POLG2: variants seen among roughly 807,000 people sequenced by gnomAD.
POLG2 encodes the protein DNA polymerase gamma 2, accessory subunit.
Under a neutral mutation model 56.5 loss-of-function variants are expected in POLG2, and 50 were observed. That is an observed-to-expected ratio of 0.88 (90% CI 0.71 to 1.12). The LOEUF is 1.12. Among genes scored for constraint, POLG2 ranks in the 50% most tolerant of loss-of-function variants. POLG2 has a pLI of 0.00. For missense variants in POLG2, 584 were observed against 583.3 expected, an observed-to-expected ratio of 1.00 and a Z score of -0.01; for synonymous variants, 226 against 222.6, an observed-to-expected ratio of 1.02 and a Z score of -0.14.
Position 64,485,835 on chromosome 17 carries a change from C to T in POLG2, c.1003G>A (p.Val335Ile). ...TCTAGGTCCCCATTTACAGAGAGAA[C>T]ACAAGGAACCACATTTTTTCGTCCA... ...RDGRKNVVPC[V>I]LSVNGDLDRG... Residue 335 changes from valine (V) to isoleucine (I), a missense_variant, in exon 5 of 8, where the codon GTT (valine) becomes ATT (isoleucine). Transcript: ENST00000539111. 6.2e-7 allele frequency: 1 copy of T among 1,613,946 alleles called. No homozygotes were observed. Among genetic ancestry groups the T allele is most frequent in the Non-Finnish European group, 8.5e-7 (1 of 1,179,800 alleles).
intron 3 of POLG2, chr17:64,491,663 C>G: frequency 4.5e-6 from 6 of 1,327,602 alleles, no homozygotes; most frequent in Non-Finnish European, 6.5e-6. Flanking sequence ...GGTACTACAA[C>G]AAGTACATCA....
At chr17:64,489,315 T>C (rs1445682454) in intron 4 of POLG2, among the ~76,000 whole-genome samples, 1 of 149,896 alleles carries the variant, frequency 6.7e-6, no homozygotes, top group Non-Finnish European at 1.5e-5. Context: ...CTACAGTATA[T>C]TGCTGACCAG....
chr17:64,496,720 C>T lies in POLG2; in HGVS notation c.249G>A (p.Lys83=), dbSNP rs2038159079. 2 of 1,614,000 alleles carry T rather than the reference C, an allele frequency of 1.2e-6. No individual in the cohort carries two copies. The highest frequency in any genetic ancestry group is 1.3e-5 in the African/African-American group (1 of 74,894). The change falls in exon 1 of 8, where the codon AAG becomes AAA. Residue 83 remains lysine (K), a synonymous_variant. Coordinates refer to ENST00000539111, the MANE Select transcript of POLG2 (RefSeq NM_007215.4). ...GAAGAGAATCCCGGCTAAGCTGCTG[C>T]TTGCTTCCACTTAGGAAATGCCTTC... ...CQRRHFLSGS[K]QQLSRDSLLS...
chr17:64,494,098 G>A (rs2038110628), intron 1 of POLG2, among the ~76,000 whole-genome samples: 1 of 152,038 alleles, frequency 6.6e-6, no homozygotes, highest in African/African-American at 2.4e-5. Flanking sequence ...TGCATTCTGA[G>A]TAGGTTTCTT....
chr17:64,493,212 G>A (rs879976009), intron 1 of POLG2, among the ~76,000 whole-genome samples, 191 bp from the exon 2 acceptor site: 1 of 152,126 alleles, frequency 6.6e-6, no homozygotes, highest in Admixed American at 6.5e-5. Context: ...GAGCTCAGGA[G>A]TTCTGAGACC....
chr17:64,482,549 A>G (rs1475218488), intron 6 of POLG2, among the ~76,000 whole-genome samples: 3 of 151,830 alleles, frequency 2.0e-5, no homozygotes, highest in South Asian at 2.1e-4. Context: ...CGATCTCTTG[A>G]CCTCGTGATC....
intron 6 of POLG2, chr17:64,481,380 T>C (rs2037852687): frequency 2.5e-5 from 25 of 985,336 alleles, no homozygotes; most frequent in Non-Finnish European, 3.0e-5. Context: ...ATCTTTTTAG[T>C]GTCCGCATTC....
At chr17:64,489,796 C>CATTAGTAACT (rs1555668174) in intron 4 of POLG2, among the ~76,000 whole-genome samples, 1 of 150,900 alleles carries the variant, frequency 6.6e-6, no homozygotes, top group African/African-American at 2.4e-5. Context: ...GCAAACCTCA[C>CATTAGTAACT]ATTAGTAACT....
chr17:64,494,353 G>C (rs891095804), intron 1 of POLG2, among the ~76,000 whole-genome samples: 1 of 152,264 alleles, frequency 6.6e-6, no homozygotes, highest in East Asian at 1.9e-4. Flanking sequence ...CACTACTGAA[G>C]ACACCAAATT....
chr17:64,489,194 T>A (rs2038012858), intron 4 of POLG2, among the ~76,000 whole-genome samples: 1 of 151,356 alleles, frequency 6.6e-6, no homozygotes, highest in Non-Finnish European at 1.5e-5. Flanking sequence ...TGGCCAAGTC[T>A]AGGACAATTT....
chr17:64,478,020 G>C, intron 7 of POLG2, 32 bp from the exon 8 acceptor site: 1 of 1,603,208 alleles, frequency 6.2e-7, no homozygotes, highest in Middle Eastern at 1.7e-4. Flanking sequence ...AGACACATGA[G>C]CACAAATGTA....
chr17:64,480,154 T>C (rs1410796506), intron 7 of POLG2, 135 bp downstream of exon 7: 1 of 260,148 alleles, frequency 3.8e-6, no homozygotes, highest in East Asian at 8.5e-5. Flanking sequence ...CACATAGTTC[T>C]GTAAAAGGGA....
At chr17:64,495,213 T>C (rs182895688) in intron 1 of POLG2, among the ~76,000 whole-genome samples, 10 of 148,730 alleles carry the variant, frequency 6.7e-5, no homozygotes, top group Non-Finnish European at 1.3e-4. Flanking sequence ...ATCTGGGCAC[T>C]AGGTGTGCTC....
intron 6 of POLG2, among the ~76,000 whole-genome samples, chr17:64,481,761 T>C (rs2037860294): frequency 6.6e-6 from 1 of 151,758 alleles, no homozygotes; most frequent in South Asian, 2.1e-4. Context: ...TGTAATCCCA[T>C]CTACTAGGGA....
chr17:64,490,463 C>T, intron 4 of POLG2: 1 of 339,432 alleles, frequency 2.9e-6, no homozygotes. Context: ...CTGTACTCTT[C>T]AAAAATGTCA....
At chr17:64,491,676 G>GT in intron 3 of POLG2, 1 of 1,225,960 alleles carries the variant, frequency 8.2e-7, no homozygotes, top group Non-Finnish European at 1.2e-6. Context: ...GTACATCAAC[G>GT]TGAAGAAGGG....
chr17:64,483,502 A>C (rs2037897749), intron 5 of POLG2, among the ~76,000 whole-genome samples: 1 of 147,302 alleles, frequency 6.8e-6, no homozygotes. Context: ...CGACAGAGTG[A>C]GATCCTGTCT....
chr17:64,483,531 A>T (rs2037899674), intron 5 of POLG2, among the ~76,000 whole-genome samples: 1 of 150,894 alleles, frequency 6.6e-6, no homozygotes, highest in Non-Finnish European at 1.5e-5. Flanking sequence ...AAAAAAAACA[A>T]ATTAACTTGA....
intron 3 of POLG2, among the ~76,000 whole-genome samples, chr17:64,492,176 G>A (rs1555668642): frequency 2.0e-5 from 3 of 152,172 alleles, no homozygotes; most frequent in Non-Finnish European, 4.4e-5. Flanking sequence ...TTGATGACTC[G>A]TGATTATTTC....
Sources: gnomAD v4.1 joint callset for allele counts (sites outside exome capture counted in the v4.1 genomes callset) on GRCh38, gnomAD v4.1.1 for gene constraint, MANE v1.5 for transcripts, NCBI Gene and HGNC (gene_info 2026-07-23, HGNC 2026-07-21) for gene names.